ATXN1: variants seen among roughly 807,000 people sequenced by gnomAD.
The protein encoded by ATXN1 is ataxin-1.
ATXN1 carries 8 observed loss-of-function variants against 56.4 expected under a neutral mutation model. The observed-to-expected ratio is 0.14, with a 90% CI of 0.08 to 0.26. The LOEUF (loss-of-function observed/expected upper bound fraction) is 0.26. ATXN1 is among the 10% of genes least tolerant of loss of function. The probability of loss-of-function intolerance (pLI) is 1.00; values close to 1 mark genes in which losing one functional copy is unlikely to be tolerated. For synonymous variants in ATXN1, 514 were observed against 494.6 expected (o/e 1.04, Z -0.52); for missense variants, 987 against 1,106.5 (o/e 0.89, Z 1.53).
At chr6:16,613,181 C>T (rs530794515) in intron 3 of ATXN1, among the ~76,000 whole-genome samples, 4 of 142,886 alleles carry the variant, frequency 2.8e-5, no homozygotes, top group Admixed American at 1.5e-4. Context: ...AGGAGAATGG[C>T]GTGAACCCGG....
intron 7 of ATXN1, among the ~76,000 whole-genome samples, chr6:16,321,159 C>G (rs549190347): frequency 1.4e-4 from 21 of 152,324 alleles, no homozygotes; most frequent in African/African-American, 5.1e-4. Context: ...ATTTTCCAAG[C>G]AGCTAACCTA....
intron 6 of ATXN1, among the ~76,000 whole-genome samples, chr6:16,437,575 C>T (rs1759420802): frequency 6.6e-6 from 1 of 152,198 alleles, no homozygotes; most frequent in East Asian, 1.9e-4. Context: ...ACTGTTCTGC[C>T]AAATTCCTAC....
At chr6:16,594,545 C>T (rs976848994) in intron 3 of ATXN1, among the ~76,000 whole-genome samples, 27 of 150,758 alleles carry the variant, frequency 1.8e-4, no homozygotes, top group Admixed American at 1.1e-3. Flanking sequence ...TGCAGTGGCA[C>T]GATCTCGGCT....
chr6:16,731,652 T>C lies in ATXN1; in HGVS notation c.-615+21581A>G, dbSNP rs578144894. 6.6e-5 allele frequency among the ~76,000 whole-genome samples: 10 copies of C among 152,036 alleles called. No individual in the cohort carries two copies. The South Asian group carries it at 2.1e-3, about 32-fold the overall frequency. On this transcript the variant is annotated intron_variant, in intron 2 of 7. Transcript: ENST00000436367. ...TTCTGCTACCACACTAGAAGATTAC[T>C]TGATCAAACAAATGGGCATTTTTCC... is the stretch of plus-strand genomic sequence containing the variant.
intron 3 of ATXN1, among the ~76,000 whole-genome samples, chr6:16,622,361 T>C (rs1349802410): frequency 6.6e-6 from 1 of 152,150 alleles, no homozygotes; most frequent in Non-Finnish European, 1.5e-5. Flanking sequence ...ATGATGATGA[T>C]GACCATGGTG....
In ATXN1 at chr6:16,628,328, G is replaced by A. The variant is rs78742531; in HGVS notation, c.-489+29448C>T. Among the ~76,000 whole-genome samples the A allele has an allele frequency of 7.4e-4, 112 of 152,188 alleles. 3 individuals are homozygous for A. The East Asian group carries it at 0.021, about 28-fold the overall frequency. ...TCCCTAAAATCCATGGGATATCCAC[G>A]TGCCCTCATCAAAATCCCCGTTTCT... On this transcript the variant is annotated intron_variant, in intron 3 of 7. Coordinates refer to ENST00000436367, the MANE Select transcript of ATXN1 (RefSeq NM_001128164.2).
At chr6:16,730,716 T>A (rs1259439630) in intron 2 of ATXN1, among the ~76,000 whole-genome samples, 5 of 152,136 alleles carry the variant, frequency 3.3e-5, no homozygotes, top group Non-Finnish European at 7.4e-5. Context: ...CTTCAAGTTC[T>A]CCTTTCGTTG....
intron 6 of ATXN1, among the ~76,000 whole-genome samples, chr6:16,380,318 C>CA (rs1758073246): frequency 6.6e-6 from 1 of 152,074 alleles, no homozygotes; most frequent in Admixed American, 6.5e-5. Context: ...GACCACAGTG[C>CA]AAAAAATTAA....
chr6:16,400,221 C>G (rs1197844330), intron 6 of ATXN1, among the ~76,000 whole-genome samples: 1 of 152,196 alleles, frequency 6.6e-6, no homozygotes, highest in African/African-American at 2.4e-5. Flanking sequence ...ACACAGTAAT[C>G]TAGTAAAAAG....
chr6:16,565,632 A>C (rs1211613938), intron 4 of ATXN1, among the ~76,000 whole-genome samples: 4 of 152,210 alleles, frequency 2.6e-5, no homozygotes, highest in African/African-American at 9.6e-5. Flanking sequence ...TTTTAACCAC[A>C]AACACACACA....
intron 2 of ATXN1, among the ~76,000 whole-genome samples, chr6:16,715,294 T>C (rs1759615869): frequency 6.6e-6 from 1 of 152,222 alleles, no homozygotes; most frequent in South Asian, 2.1e-4. Flanking sequence ...CAGAGGCTAT[T>C]ATTTTAACGT....
chr6:16,613,565 A>T (rs1279863237), intron 3 of ATXN1, among the ~76,000 whole-genome samples: 2 of 151,242 alleles, frequency 1.3e-5, no homozygotes, highest in African/African-American at 2.5e-5. Context: ...GGTGGCTCAC[A>T]CCTGTAATCC....
intron 2 of ATXN1, among the ~76,000 whole-genome samples, chr6:16,743,994 G>C (rs191256598): frequency 6.6e-6 from 1 of 152,088 alleles, no homozygotes; most frequent in African/African-American, 2.4e-5. Context: ...ACCCAGGGAG[G>C]GAGTTAAGAA....
At position 16,327,620 on chromosome 6, in the gene ATXN1, G is replaced by T; in HGVS notation, c.691C>A (p.Pro231Thr). ...GGGGACCCCGGGGTGATGAGCCCCG[G>T]AGCCCTGCTGAGGTGCTGCTGCTGC... ...QQQQQHLSRA[P>T]GLITPGSPPP... The change falls in exon 7 of 8, where the codon CCG becomes ACG. Residue 231 changes from proline to threonine, a missense_variant. Around this residue, in one of 3 missense-constraint regions of ATXN1, gnomAD observed 723 missense variants for 791.7 expected, o/e 0.91. Coordinates refer to ENST00000436367, the MANE Select transcript of ATXN1 (RefSeq NM_001128164.2). 1 of 1,587,810 alleles carries T rather than the reference G, an allele frequency of 6.3e-7. No individual in the cohort carries two copies.
At chr6:16,316,198 T>G (rs910779490) in intron 7 of ATXN1, among the ~76,000 whole-genome samples, 7 of 152,138 alleles carry the variant, frequency 4.6e-5, no homozygotes, top group East Asian at 1.9e-4. Flanking sequence ...GCACTCCTTA[T>G]GAGAATCTAA....
intron 4 of ATXN1, among the ~76,000 whole-genome samples, chr6:16,577,479 G>A (rs1222091402): frequency 2.0e-5 from 3 of 148,964 alleles, no homozygotes; most frequent in South Asian, 2.1e-4. Flanking sequence ...AGCCGAGATC[G>A]TGCCATTGCA....
At chr6:16,665,742 T>C (rs1015230922) in intron 2 of ATXN1, among the ~76,000 whole-genome samples, 2 of 152,112 alleles carry the variant, frequency 1.3e-5, no homozygotes, top group East Asian at 3.9e-4. Flanking sequence ...GTCAAGAACA[T>C]GAGATAAACC....
chr6:16,313,548 C>T (rs1043945445), intron 7 of ATXN1, among the ~76,000 whole-genome samples: 11 of 151,588 alleles, frequency 7.3e-5, no homozygotes, highest in East Asian at 1.9e-4. Context: ...AACAAGATGA[C>T]GTTAATGGAA....
At chr6:16,350,297 A>G (rs1324737554) in intron 6 of ATXN1, among the ~76,000 whole-genome samples, 1 of 152,234 alleles carries the variant, frequency 6.6e-6, no homozygotes. Context: ...AAGATTGTTG[A>G]GATGAAATAA....
Sources: allele counts gnomAD v4.1 joint callset (sites outside exome capture counted in the v4.1 genomes callset), GRCh38; gene constraint gnomAD v4.1.1; regional missense constraint gnomAD v4.1.1; transcripts MANE v1.5; gene names NCBI Gene and HGNC (gene_info 2026-07-23, HGNC 2026-07-21).